The following TET1 variants were observed in gnomAD, a reference collection of about 807,000 sequenced individuals.
The protein encoded by TET1 is methylcytosine dioxygenase TET1.
TET1 carries 13 observed loss-of-function variants against 148.7 expected under a neutral mutation model. That is an observed-to-expected ratio of 0.09 (90% CI 0.06 to 0.14). The LOEUF is 0.14. TET1 is among the 10% of genes least tolerant of loss of function. The pLI is 1.00. For synonymous variants in TET1, 907 were observed against 937.2 expected (o/e 0.97, Z 0.59); for missense variants, 2,182 against 2,553.8 (o/e 0.85, Z 3.14).
chr10:68,667,280 C>T, intron 7 of TET1, 24 bp downstream of exon 7: 1 of 1,574,612 alleles, frequency 6.4e-7, no homozygotes, highest in South Asian at 1.2e-5. Context: ...TTTTATACTG[C>T]CTTACCATTC....
At chr10:68,665,217 T>C (rs1204854051) in intron 6 of TET1, among the ~76,000 whole-genome samples, 1 of 152,094 alleles carries the variant, frequency 6.6e-6, no homozygotes. Context: ...AGTTGATCAA[T>C]GTGAGGTAGG....
chr10:68,638,080 A>G (rs1409768374), intron 3 of TET1, among the ~76,000 whole-genome samples: 2 of 152,088 alleles, frequency 1.3e-5, no homozygotes, highest in Non-Finnish European at 2.9e-5. Context: ...TGACCAGCCA[A>G]TCTTTTCTTT....
chr10:68,649,275 G>T (rs1034296670), intron 4 of TET1, among the ~76,000 whole-genome samples: 1 of 152,134 alleles, frequency 6.6e-6, no homozygotes, highest in African/African-American at 2.4e-5. Flanking sequence ...TCCTTATAAC[G>T]AACACTCTGG....
At chr10:68,619,478 G>A (rs758252587) in intron 3 of TET1, among the ~76,000 whole-genome samples, 1 of 152,116 alleles carries the variant, frequency 6.6e-6, no homozygotes, top group Non-Finnish European at 1.5e-5. Flanking sequence ...GCCTCCCAAA[G>A]TGCTGGGGTT....
chr10:68,644,581 A>G (rs2054810740), intron 3 of TET1, 117 bp from the exon 4 acceptor site: 5 of 1,006,418 alleles, frequency 5.0e-6, no homozygotes, highest in Non-Finnish European at 6.8e-6. Flanking sequence ...AAGCAAAAAT[A>G]ATATTTTAGG....
chr10:68,637,411 T>C (rs1183476887), intron 3 of TET1, among the ~76,000 whole-genome samples: 1 of 152,156 alleles, frequency 6.6e-6, no homozygotes, highest in African/African-American at 2.4e-5. Flanking sequence ...TGGGAAAAAC[T>C]GTTGTACAGG....
intron 3 of TET1, among the ~76,000 whole-genome samples, chr10:68,624,383 G>A (rs530749330): frequency 1.4e-3 from 209 of 152,202 alleles, no homozygotes; most frequent in African/African-American, 4.9e-3. Flanking sequence ...TCCGCCTTCC[G>A]GGTTCAAGCA....
intron 3 of TET1, among the ~76,000 whole-genome samples, chr10:68,637,539 T>TTTTTTTTTTTC (rs2054672119): frequency 1.5e-4 from 22 of 148,010 alleles, no homozygotes; most frequent in African/African-American, 5.5e-4. Context: ...TTTTTTTTTT[T>TTTTTTTTTTTC]AAGAGACAGA....
chr10:68,633,628 C>G (rs1186722244), intron 3 of TET1, among the ~76,000 whole-genome samples: 1 of 151,928 alleles, frequency 6.6e-6, no homozygotes, highest in Non-Finnish European at 1.5e-5. Context: ...AGGGTTTCAC[C>G]ATATTGAAGG....
intron 8 of TET1, among the ~76,000 whole-genome samples, chr10:68,679,203 T>C (rs1291194577): frequency 6.6e-6 from 1 of 151,978 alleles, no homozygotes; most frequent in African/African-American, 2.4e-5. Context: ...AGATGAAAAA[T>C]AATAAAATAA....
At chr10:68,576,644 A>G (rs1389445510) in intron 2 of TET1, among the ~76,000 whole-genome samples, 3 of 152,218 alleles carry the variant, frequency 2.0e-5, no homozygotes, top group African/African-American at 7.2e-5. Context: ...CCTGGTTGAC[A>G]GCAATGAGAC....
intron 2 of TET1, among the ~76,000 whole-genome samples, chr10:68,592,275 CA>C (rs1456399446): frequency 1.3e-5 from 2 of 152,148 alleles, no homozygotes; most frequent in Admixed American, 6.5e-5. Context: ...GAGATCGTGC[CA>C]CTGCATGCCA....
chr10:68,638,540 GA>G (rs1382655448), intron 3 of TET1, among the ~76,000 whole-genome samples: 1 of 151,982 alleles, frequency 6.6e-6, no homozygotes, highest in African/African-American at 2.4e-5. Context: ...GGTTATTAGG[GA>G]AAAAAATGTC....
In TET1 at chr10:68,573,492, A is replaced by G. The variant is rs758025897; in HGVS notation, c.1154A>G (p.His385Arg). Residue 385 changes from histidine (H) to arginine (R), a missense_variant, in exon 2 of 12, where the codon CAT (histidine) becomes CGT (arginine). By Grantham distance (29) the His-to-Arg change is conservative. Around this residue, in one of 11 missense-constraint regions of TET1, gnomAD observed 665 missense variants for 672.4 expected, o/e 0.99. Transcript: ENST00000373644. Reference protein sequence around the residue: ...QWELPGADPVHGEALGETPDL... With the variant: ...QWELPGADPVRGEALGETPDL... ...GAACTTCCTGGTGCTGACCCAGTTC[A>G]TGGTGAGGCCCTGGGTGAGACCCCA... 6.2e-7 allele frequency: 1 copy of G among 1,614,188 alleles called. No individual in the cohort carries two copies. The highest frequency in any genetic ancestry group is 1.1e-5 in the South Asian group (1 of 91,086).
Position 68,644,865 on chromosome 10 carries a change from A to G in TET1, c.2136A>G (p.Gln712=), listed in dbSNP as rs1353755064. Residue 712 remains glutamine, a synonymous_variant, in exon 4 of 12, where the codon CAA becomes CAG. Transcript: ENST00000373644. ...GCATCGAGGTGGAGAAGTGGACACA[A>G]AACAAGAAATCACAGTTAACTGATC... ...MTGIEVEKWT[Q]NKKSQLTDHV... 6.2e-7 allele frequency: 1 copy of G among 1,613,748 alleles called. No homozygotes were observed. The highest frequency in any genetic ancestry group is 1.1e-5 in the South Asian group (1 of 90,956).
chr10:68,594,935 C>G (rs1252556525), intron 2 of TET1, among the ~76,000 whole-genome samples: 1 of 148,802 alleles, frequency 6.7e-6, no homozygotes, highest in Non-Finnish European at 1.5e-5. Flanking sequence ...GCAGAGATCT[C>G]GCCATTGCAC....
At chr10:68,609,377 T>C (rs1263611869) in intron 3 of TET1, among the ~76,000 whole-genome samples, 1 of 151,904 alleles carries the variant, frequency 6.6e-6, no homozygotes, top group African/African-American at 2.4e-5. Flanking sequence ...GTCAGGCTGG[T>C]CTCGAACTCC....
intron 3 of TET1, among the ~76,000 whole-genome samples, chr10:68,622,197 C>CTTCCTTCCTTCCTTCCTTCCTTT (rs1564973257): frequency 7.8e-6 from 1 of 127,666 alleles, no homozygotes; most frequent in Non-Finnish European, 1.7e-5. Context: ...TTCCTTCCTT[C>CTTCCTTCCTTCCTTCCTTCCTTT]CTTCCTTCCT....
rs763119180 is a variant in TET1, at chr10:68,573,539, G to A, written c.1201G>A (p.Ala401Thr). The part of the protein sequence containing the change: ...ETPDLPEIPG[A>T]IPVQGEVFGT... ...CCCAGATCTACCAGAGATTCCTGGT[G>A]CTATTCCAGTCCAAGGAGAGGTCTT... Residue 401 changes from alanine (A) to threonine (T), a missense_variant, in exon 2 of 12, where the codon GCT (alanine) becomes ACT (threonine). By Grantham distance (58) the Ala-to-Thr change is moderately conservative. Transcript: ENST00000373644. 12 of 1,614,202 alleles carry A rather than the reference G, an allele frequency of 7.4e-6. No homozygotes were observed. Among genetic ancestry groups the A allele is most frequent in the Non-Finnish European group, 8.5e-6 (10 of 1,180,032 alleles).
Sources: gnomAD v4.1 joint callset for allele counts (sites outside exome capture counted in the v4.1 genomes callset) on GRCh38, gnomAD v4.1.1 for gene constraint, gnomAD v4.1.1 regional missense constraint, MANE v1.5 for transcripts, NCBI Gene and HGNC (gene_info 2026-07-23, HGNC 2026-07-21) for gene names.